SLC16A12: variants seen among roughly 807,000 people sequenced by gnomAD.
SLC16A12 encodes the protein monocarboxylate transporter 12.
Under a neutral mutation model 42.4 loss-of-function variants are expected in SLC16A12, and 17 were observed. The observed-to-expected ratio is 0.40, with a 90% confidence interval of 0.27 to 0.60. The LOEUF (loss-of-function observed/expected upper bound fraction) is 0.60, where lower values mean the gene tolerates loss of function less well. Ranked by LOEUF, SLC16A12 falls within the 20% of genes least tolerant of loss-of-function variation. The pLI is 0.42. For synonymous variants in SLC16A12, 224 were observed against 229.4 expected (o/e 0.98, Z 0.21); for missense variants, 544 against 623.0 (o/e 0.87, Z 1.35).
chr10:89,513,354 G>A (rs1843194328), intron 2 of SLC16A12, among the ~76,000 whole-genome samples: 1 of 152,018 alleles, frequency 6.6e-6, no homozygotes, highest in Admixed American at 6.6e-5. Context: ...GGACAGTTAC[G>A]TTGTCTCTGA....
chr10:89,439,012 A>G lies in SLC16A12; in HGVS notation c.620T>C (p.Leu207Ser), dbSNP rs1841856309. The G allele has an allele frequency of 2.5e-6, 4 of 1,614,046 alleles. No individual in the cohort carries two copies. Among genetic ancestry groups the G allele is most frequent in the Non-Finnish European group, 3.4e-6 (4 of 1,180,026 alleles). The change falls in exon 6 of 8, where the codon TTA becomes TCA. Residue 207 changes from leucine to serine, a missense_variant. By Grantham distance (145) the Leu-to-Ser change is moderately radical. Coordinates refer to ENST00000371790, the MANE Select transcript of SLC16A12 (RefSeq NM_213606.4). ...CAAGACAAAGCCCCCAAGAATGAGT[A>G]AGGCTCCCCGCCAGGAAAACTGTTC... ...LIEQFSWRGA[L>S]LILGGFVLNL...
intron 2 of SLC16A12, among the ~76,000 whole-genome samples, chr10:89,515,676 A>C (rs573858196): frequency 6.6e-6 from 1 of 152,286 alleles, no homozygotes; most frequent in East Asian, 1.9e-4. Context: ...CAGTGTAGAA[A>C]GCCCTGCTTG....
intron 3 of SLC16A12, chr10:89,456,026 A>C (rs1248291761): frequency 6.6e-6 from 1 of 152,206 alleles, no homozygotes; most frequent in African/African-American, 2.4e-5. Context: ...TGCTGTCTCA[A>C]TCTTGCCACT....
intron 2 of SLC16A12, among the ~76,000 whole-genome samples, chr10:89,483,082 C>T (rs185072313): frequency 2.3e-4 from 35 of 152,094 alleles, no homozygotes; most frequent in Admixed American, 2.2e-3. Flanking sequence ...GGGACAGCTC[C>T]CTTCCTGGCT....
intron 3 of SLC16A12, 134 bp downstream of exon 3, chr10:89,462,245 C>T: frequency 3.2e-6 from 4 of 1,254,312 alleles, no homozygotes; most frequent in Non-Finnish European, 4.4e-6. Context: ...CCTGAAGAGT[C>T]AACGGAAATA....
At position 89,481,643 on chromosome 10, in the gene SLC16A12, T is replaced by TTGTG. The variant is rs66954717; in HGVS notation, c.-46-19023_-46-19020dup. On this transcript the variant is annotated intron_variant, in intron 2 of 7. Coordinates refer to ENST00000371790, the MANE Select transcript of SLC16A12 (RefSeq NM_213606.4). ...TCTAATTGACACTGTTTTTTTTTTC[T>TTGTG]TGTGTGTGTGTGTGTGTGTGTGAGA... 2.8e-4 allele frequency among the ~76,000 whole-genome samples: 41 copies of TTGTG among 144,116 alleles called. 1 individual carries two copies. In the South Asian group the frequency reaches 3.3e-3, roughly 12 times the overall value. 94.5% of individuals were successfully genotyped at this position (144,116 alleles called of 152,430 possible).
At chr10:89,500,080 C>T (rs1842972222) in intron 2 of SLC16A12, among the ~76,000 whole-genome samples, 1 of 152,072 alleles carries the variant, frequency 6.6e-6, no homozygotes, top group African/African-American at 2.4e-5. Context: ...AAGATACAAC[C>T]TCCTAGCTCA....
chr10:89,472,623 G>A (rs1215886657), intron 2 of SLC16A12, among the ~76,000 whole-genome samples: 1 of 149,708 alleles, frequency 6.7e-6, no homozygotes, highest in Non-Finnish European at 1.5e-5. Context: ...CTCTCGAGTA[G>A]CTGGGAATCC....
chr10:89,436,931 A>T (rs1841809706), intron 6 of SLC16A12, among the ~76,000 whole-genome samples: 1 of 152,086 alleles, frequency 6.6e-6, no homozygotes, highest in Non-Finnish European at 1.5e-5. Context: ...AGAGTGCATA[A>T]ATCTCAAAAT....
intron 2 of SLC16A12, among the ~76,000 whole-genome samples, chr10:89,478,422 AC>A (rs1237522632): frequency 6.6e-6 from 1 of 152,240 alleles, no homozygotes; most frequent in Non-Finnish European, 1.5e-5. Context: ...GCAGGGGGAA[AC>A]AAAAACTGTG....
At chr10:89,493,950 C>T (rs1217118951) in intron 2 of SLC16A12, among the ~76,000 whole-genome samples, 1 of 151,576 alleles carries the variant, frequency 6.6e-6, no homozygotes, top group Non-Finnish European at 1.5e-5. Flanking sequence ...TTCTAGAAGC[C>T]TGTGAAATTG....
At chr10:89,486,837 TA>T (rs1192198346) in intron 2 of SLC16A12, among the ~76,000 whole-genome samples, 2 of 152,090 alleles carry the variant, frequency 1.3e-5, no homozygotes, top group Admixed American at 1.3e-4. Flanking sequence ...TGTTTTCCAA[TA>T]AAGATAACTG....
intron 3 of SLC16A12, among the ~76,000 whole-genome samples, chr10:89,455,010 G>A (rs999176297): frequency 1.2e-4 from 18 of 152,124 alleles, no homozygotes; most frequent in Non-Finnish European, 1.6e-4. Context: ...GAAGTGACTA[G>A]AAGACAAGGA....
At chr10:89,464,555 A>T (rs1842360799) in intron 2 of SLC16A12, among the ~76,000 whole-genome samples, 1 of 152,224 alleles carries the variant, frequency 6.6e-6, no homozygotes, top group Non-Finnish European at 1.5e-5. Flanking sequence ...ATGAAATGTC[A>T]TTTCAACTAT....
At chr10:89,497,513 A>G (rs1032429882) in intron 2 of SLC16A12, among the ~76,000 whole-genome samples, 5 of 152,210 alleles carry the variant, frequency 3.3e-5, no homozygotes, top group Admixed American at 6.5e-5. Context: ...GTACAAAAGG[A>G]TAACTGGAAA....
At chr10:89,521,534 G>A (rs917265806) in intron 2 of SLC16A12, among the ~76,000 whole-genome samples, 1 of 152,194 alleles carries the variant, frequency 6.6e-6, no homozygotes, top group African/African-American at 2.4e-5. Flanking sequence ...AACTACAGAA[G>A]CAGAGGACAC....
intron 2 of SLC16A12, among the ~76,000 whole-genome samples, chr10:89,483,559 C>A (rs540820148): frequency 7.9e-5 from 12 of 152,000 alleles, no homozygotes; most frequent in Admixed American, 7.9e-4. Context: ...ATTGCAATAA[C>A]CCTCTAAAAT....
Position 89,436,205 on chromosome 10 carries a change from A to G in SLC16A12, c.1143T>C (p.Cys381=), listed in dbSNP as rs957376823. 1 of 1,614,160 alleles carries G rather than the reference A, an allele frequency of 6.2e-7. No individual in the cohort carries two copies. The highest frequency in any genetic ancestry group is 8.5e-7 in the Non-Finnish European group (1 of 1,179,998). ...AGGCACCATCAAAGTAGCCAAAGGTACAAGAGAAAGGCACGAGCAGAGGGA... is the reference window on the plus strand; with the variant it reads ...AGGCACCATCAAAGTAGCCAAAGGTGCAAGAGAAAGGCACGAGCAGAGGGA... ...QSLPLLVPFS[C]TFGYFDGAYV... Residue 381 remains cysteine (C), a synonymous_variant, in exon 7 of 8, where the codon TGT becomes TGC. Coordinates refer to ENST00000371790, the MANE Select transcript of SLC16A12 (RefSeq NM_213606.4).
intron 3 of SLC16A12, among the ~76,000 whole-genome samples, chr10:89,459,747 C>G (rs1589676936): frequency 6.6e-6 from 1 of 152,130 alleles, no homozygotes; most frequent in African/African-American, 2.4e-5. Flanking sequence ...TGAGACCATC[C>G]TGGCCAACAT....
Sources: allele counts gnomAD v4.1 joint callset (sites outside exome capture counted in the v4.1 genomes callset), GRCh38; gene constraint gnomAD v4.1.1; transcripts MANE v1.5; gene names NCBI Gene and HGNC (gene_info 2026-07-23, HGNC 2026-07-21).